Variants in SMARCA5 observed in about 807,000 individuals in gnomAD.
SMARCA5 encodes the protein SWI/SNF-related matrix-associated actin-dependent regulator of chromatin subfamily A member 5.
A neutral mutation model predicts 140.4 loss-of-function variants in SMARCA5; 18 were observed. The observed-to-expected ratio is 0.13, with a 90% CI of 0.09 to 0.19. The LOEUF is 0.19. Among genes scored for constraint, SMARCA5 ranks in the 10% least tolerant of loss-of-function variants. The pLI, the probability that SMARCA5 is intolerant of heterozygous loss-of-function variation, is 1.00. For missense variants in SMARCA5, 606 were observed against 1,276.8 expected, an observed-to-expected ratio of 0.47 and a Z score of 8.01; for synonymous variants, 449 against 419.6, an observed-to-expected ratio of 1.07 and a Z score of -0.86.
chr4:143,543,678 T>C (rs1409356814), intron 15 of SMARCA5, 21 bp downstream of exon 15: 1 of 1,584,160 alleles, frequency 6.3e-7, no homozygotes, highest in Non-Finnish European at 8.7e-7. Flanking sequence ...GATTAAATAA[T>C]GCTTTTAATA....
chr4:143,544,300 T>G (rs1737481856), intron 16 of SMARCA5: 1 of 181,848 alleles, frequency 5.5e-6, no homozygotes, highest in African/African-American at 2.3e-5. Context: ...AGGGAAAAAT[T>G]TCTTAACTTC....
At position 143,553,294 on chromosome 4, in the gene SMARCA5, A is replaced by C. The variant is rs1438860570; in HGVS notation, c.*110A>C. Reference sequence around the variant, plus strand: ...AATTGTTATGTCATTTAAAGACATCAGGTTCATCTGTTTACTGAGCTAGAA... The same window carrying C: ...AATTGTTATGTCATTTAAAGACATCCGGTTCATCTGTTTACTGAGCTAGAA... On this transcript the variant is annotated 3_prime_UTR_variant, in exon 24 of 24. Transcript: ENST00000283131. The C allele has an allele frequency of 1.3e-6, 1 of 750,110 alleles. No individual in the cohort carries two copies. Among genetic ancestry groups the C allele is most frequent in the Non-Finnish European group, 2.3e-6 (1 of 430,048 alleles). 46.5% of individuals were successfully genotyped at this position (750,110 alleles called of 1,614,324 possible). A position where few individuals can be genotyped will look rare whatever the true frequency, so the allele number is the denominator to read the frequency against.
chr4:143,547,655 T>C, intron 21 of SMARCA5, 152 bp downstream of exon 21: 1 of 598,292 alleles, frequency 1.7e-6, no homozygotes, highest in South Asian at 2.2e-5. Flanking sequence ...CAGCAGAATT[T>C]ACCTATACAC....
At chr4:143,542,655 T>C (rs962141842) in intron 14 of SMARCA5, among the ~76,000 whole-genome samples, 1 of 152,210 alleles carries the variant, frequency 6.6e-6, no homozygotes, top group African/African-American at 2.4e-5. Context: ...ATCAAAGCTT[T>C]GTTTAGGTGT....
intron 2 of SMARCA5, among the ~76,000 whole-genome samples, chr4:143,519,372 A>G (rs895517985): frequency 6.6e-6 from 1 of 151,996 alleles, no homozygotes; most frequent in African/African-American, 2.4e-5. Flanking sequence ...GTATTTTTCT[A>G]TTATTGCATG....
intron 11 of SMARCA5, among the ~76,000 whole-genome samples, chr4:143,537,346 A>G (rs1578800040): frequency 6.6e-6 from 1 of 152,338 alleles, no homozygotes; most frequent in East Asian, 1.9e-4. Flanking sequence ...CTGCTATAGT[A>G]TTAAGTGTGC....
At position 143,525,891 on chromosome 4, in the gene SMARCA5, A is replaced by G. The variant is rs368061411; in HGVS notation, c.621+340A>G. On this transcript the variant is annotated intron_variant, in intron 5 of 23. Coordinates refer to ENST00000283131, the MANE Select transcript of SMARCA5 (RefSeq NM_003601.4). ...TTTTTTCCAGGTGGTAGCTTGTACA[A>G]TTCTTAGAAAACATTTATCTTTTGT... 1.9e-3 allele frequency among the ~76,000 whole-genome samples: 295 copies of G among 152,320 alleles called. 2 individuals carry two copies. Among genetic ancestry groups the G allele is most frequent in the African/African-American group, 6.7e-3 (278 of 41,578 alleles).
At chr4:143,515,306 A>G (rs1736804786) in intron 1 of SMARCA5, among the ~76,000 whole-genome samples, 2 of 152,182 alleles carry the variant, frequency 1.3e-5, no homozygotes, top group Admixed American at 1.3e-4. Flanking sequence ...AGGTTTAGTG[A>G]CATAGGAACT....
At chr4:143,530,381 C>T (rs1737160828) in intron 8 of SMARCA5, 77 bp from the exon 9 acceptor site, 5 of 870,874 alleles carry the variant, frequency 5.7e-6, no homozygotes, top group Non-Finnish European at 8.7e-6. Flanking sequence ...TTCTAGAAAT[C>T]ATTTCTATAT....
At chr4:143,530,164 C>T (rs1737157161) in intron 8 of SMARCA5, among the ~76,000 whole-genome samples, 1 of 152,150 alleles carries the variant, frequency 6.6e-6, no homozygotes, top group Admixed American at 6.5e-5. Context: ...TTGAAAGATA[C>T]TTTACAAGAA....
intron 3 of SMARCA5, among the ~76,000 whole-genome samples, chr4:143,523,972 G>C (rs909977574): frequency 6.6e-6 from 1 of 152,020 alleles, no homozygotes; most frequent in Non-Finnish European, 1.5e-5. Flanking sequence ...GAGTCCTTAT[G>C]CTGCAGCTTT....
intron 4 of SMARCA5, among the ~76,000 whole-genome samples, chr4:143,524,774 C>T (rs569931434): frequency 1.3e-5 from 2 of 152,232 alleles, no homozygotes; most frequent in South Asian, 4.1e-4. Context: ...AAAAAAGGTA[C>T]TTCATGAACA....
intron 3 of SMARCA5, 24 bp downstream of exon 3, chr4:143,521,619 A>C: frequency 6.4e-7 from 1 of 1,566,638 alleles, no homozygotes; most frequent in South Asian, 1.2e-5. Context: ...TAAACTTCAT[A>C]GTTCAACCAA....
At chr4:143,539,949 A>T (rs1737396113) in intron 13 of SMARCA5, among the ~76,000 whole-genome samples, 2 of 152,234 alleles carry the variant, frequency 1.3e-5, no homozygotes, top group Non-Finnish European at 2.9e-5. Context: ...AAACAAATTC[A>T]TATTCAGATT....
chr4:143,547,843 T>C, intron 21 of SMARCA5, 85 bp from the exon 22 acceptor site: 1 of 779,950 alleles, frequency 1.3e-6, no homozygotes, highest in Non-Finnish European at 2.0e-6. Context: ...AATGCAACAT[T>C]TTAGCTAATT....
At chr4:143,531,553 A>T (rs1315245173) in intron 9 of SMARCA5, among the ~76,000 whole-genome samples, 1 of 152,182 alleles carries the variant, frequency 6.6e-6, no homozygotes. Context: ...AGCATGTTTA[A>T]TAGCATCCCT....
intron 6 of SMARCA5, among the ~76,000 whole-genome samples, chr4:143,527,604 C>A (rs1418859705): frequency 6.6e-6 from 1 of 152,142 alleles, no homozygotes; most frequent in Non-Finnish European, 1.5e-5. Context: ...AGTGGAATTG[C>A]AGAAAGACAT....
At chr4:143,536,771 C>A in intron 11 of SMARCA5, 93 bp downstream of exon 11, 1 of 852,192 alleles carries the variant, frequency 1.2e-6, no homozygotes, top group South Asian at 1.5e-5. Flanking sequence ...TGCTCTGATG[C>A]TTTCCAAGGT....
At chr4:143,538,117 T>C (rs1431644483) in intron 11 of SMARCA5, among the ~76,000 whole-genome samples, 3 of 152,062 alleles carry the variant, frequency 2.0e-5, no homozygotes, top group Non-Finnish European at 4.4e-5. Flanking sequence ...GTTTGAATCA[T>C]GGCAGATAAG....
Sources: allele counts gnomAD v4.1 joint callset (sites outside exome capture counted in the v4.1 genomes callset), GRCh38; gene constraint gnomAD v4.1.1; transcripts MANE v1.5; gene names NCBI Gene and HGNC (gene_info 2026-07-23, HGNC 2026-07-21).